Variants in IFT57 observed in about 807,000 individuals in gnomAD.
IFT57 encodes the protein intraflagellar transport protein 57 homolog.
Under a neutral mutation model 56.8 loss-of-function variants are expected in IFT57, and 59 were observed. The observed-to-expected ratio is 1.04, with a 90% confidence interval of 0.84 to 1.29. The LOEUF (loss-of-function observed/expected upper bound fraction) is 1.29. Among genes scored for constraint, IFT57 ranks in the 50% most tolerant of loss-of-function variants. IFT57 has a pLI of 0.00. For missense variants in IFT57, 470 were observed against 522.1 expected, an observed-to-expected ratio of 0.90 and a Z score of 0.97; for synonymous variants, 209 against 186.1, an observed-to-expected ratio of 1.12 and a Z score of -1.00.
intron 6 of IFT57, among the ~76,000 whole-genome samples, chr3:108,172,987 T>C (rs2080102786): frequency 6.6e-6 from 1 of 151,852 alleles, no homozygotes; most frequent in African/African-American, 2.4e-5. Context: ...ACATGCCTGA[T>C]ATAAAGTTAA....
intron 6 of IFT57, among the ~76,000 whole-genome samples, chr3:108,173,766 CTGTGTGTGTGTGTG>C (rs59233165): frequency 1.9e-4 from 24 of 124,688 alleles, no homozygotes; most frequent in African/African-American, 3.3e-4. Flanking sequence ...GTCAGGGACT[CTGTGTGTGTGTGTG>C]TGTGTGTGTG....
rs34812485 is a variant in IFT57 at position 108,175,802 on chromosome 3, T to TA, written c.778-7939dup. On this transcript the variant is annotated intron_variant, in intron 6 of 10. Coordinates refer to ENST00000264538, the MANE Select transcript of IFT57 (RefSeq NM_018010.4). ...AACTTGTAAAATACCAAACCTTCTT[T>TA]AAAAAAAAAAAAAGTTTGACTTTGC... Among the ~76,000 whole-genome samples the TA allele has an allele frequency of 8.1e-3, 1,195 of 146,784 alleles. 15 individuals are homozygous for TA. The highest frequency in any genetic ancestry group is 0.028 in the African/African-American group (1,101 of 39,594).
intron 3 of IFT57, 152 bp from the exon 4 acceptor site, chr3:108,214,173 A>G: frequency 1.9e-6 from 1 of 535,860 alleles, no homozygotes; most frequent in Admixed American, 3.4e-5. Flanking sequence ...ATTTTTCCTA[A>G]AACTTTCTAT....
chr3:108,193,762 C>G (rs760326384), intron 5 of IFT57, among the ~76,000 whole-genome samples: 1 of 151,956 alleles, frequency 6.6e-6, no homozygotes, highest in Non-Finnish European at 1.5e-5. Context: ...TGTGTCAAAA[C>G]CTAAAGCAAT....
At chr3:108,206,130 A>G (rs2080311824) in intron 5 of IFT57, among the ~76,000 whole-genome samples, 1 of 140,858 alleles carries the variant, frequency 7.1e-6, no homozygotes, top group African/African-American at 2.6e-5. Context: ...GTAAAAATAT[A>G]TATCTGAAAT....
At chr3:108,163,815 G>C in intron 9 of IFT57, 86 bp from the exon 10 acceptor site, 1 of 756,646 alleles carries the variant, frequency 1.3e-6, no homozygotes, top group Non-Finnish European at 2.3e-6. Context: ...ATGTAATTTA[G>C]ATATTAGCCA....
rs1195836378 is a variant in IFT57, at chr3:108,188,123, T to A, written c.777+3398A>T. On this transcript the variant is annotated intron_variant, in intron 6 of 10. Coordinates refer to ENST00000264538, the MANE Select transcript of IFT57 (RefSeq NM_018010.4). ...CCACAACAGGCCCCAGTGTGTGATG[T>A]TCCCCTTCCTGTGTCCAAGTGTCTA... Among the ~76,000 whole-genome samples the A allele has an allele frequency of 2.0e-5, 3 of 152,034 alleles. No individual in the cohort carries two copies. The East Asian group carries it at 5.8e-4, about 29-fold the overall frequency.
chr3:108,175,877 A>G (rs1408887674), intron 6 of IFT57, among the ~76,000 whole-genome samples: 1 of 151,714 alleles, frequency 6.6e-6, no homozygotes, highest in Non-Finnish European at 1.5e-5. Context: ...AAAGCCATGG[A>G]AGTCACCTTC....
intron 6 of IFT57, among the ~76,000 whole-genome samples, chr3:108,171,972 A>T (rs1293257426): frequency 2.8e-5 from 4 of 143,792 alleles, no homozygotes; most frequent in Non-Finnish European, 6.2e-5. Flanking sequence ...TACATATACA[A>T]ATATATAGTT....
intron 4 of IFT57, among the ~76,000 whole-genome samples, chr3:108,213,227 A>G (rs548035380): frequency 6.6e-6 from 1 of 152,316 alleles, no homozygotes; most frequent in East Asian, 1.9e-4. Context: ...ATATGTGGAT[A>G]TTCAACTGTG....
intron 4 of IFT57, among the ~76,000 whole-genome samples, chr3:108,208,724 T>C (rs1486456177): frequency 6.6e-6 from 1 of 152,180 alleles, no homozygotes; most frequent in Non-Finnish European, 1.5e-5. Context: ...AATGATTTGA[T>C]TGAACAGAAA....
intron 4 of IFT57, among the ~76,000 whole-genome samples, chr3:108,212,845 TA>T (rs1223077138): frequency 3.9e-5 from 6 of 152,124 alleles, no homozygotes; most frequent in Non-Finnish European, 7.3e-5. Context: ...TTAATTGGTT[TA>T]TGACAGCAAA....
At chr3:108,188,251 T>C (rs959011298) in intron 6 of IFT57, among the ~76,000 whole-genome samples, 8 of 152,200 alleles carry the variant, frequency 5.3e-5, no homozygotes, top group African/African-American at 1.9e-4. Flanking sequence ...AGAGCTCATA[T>C]GTAACCAGAT....
At chr3:108,196,390 T>C (rs1399387116) in intron 5 of IFT57, among the ~76,000 whole-genome samples, 1 of 152,140 alleles carries the variant, frequency 6.6e-6, no homozygotes, top group East Asian at 1.9e-4. Flanking sequence ...GTTCAAGTTG[T>C]GAATAACATA....
chr3:108,198,221 A>G (rs957549761), intron 5 of IFT57, among the ~76,000 whole-genome samples: 1 of 152,238 alleles, frequency 6.6e-6, no homozygotes, highest in African/African-American at 2.4e-5. Flanking sequence ...GCACATGTCT[A>G]TCAACCCTTT....
At chr3:108,196,222 T>C (rs2080243622) in intron 5 of IFT57, among the ~76,000 whole-genome samples, 1 of 152,170 alleles carries the variant, frequency 6.6e-6, no homozygotes, top group African/African-American at 2.4e-5. Flanking sequence ...TGCTGTTGAT[T>C]AAATCCCAAA....
intron 9 of IFT57, 46 bp from the exon 10 acceptor site, chr3:108,163,775 T>C: frequency 8.2e-7 from 1 of 1,218,350 alleles, no homozygotes; most frequent in Non-Finnish European, 1.2e-6. Flanking sequence ...TTAATAAACT[T>C]TCACAATTTT....
Position 108,218,527 on chromosome 3 carries a change from AT to A in IFT57, c.494+7del. 1 of 1,414,656 alleles carries A rather than the reference AT, an allele frequency of 7.1e-7. No individual in the cohort carries two copies. The highest frequency in any genetic ancestry group is 9.7e-7 in the Non-Finnish European group (1 of 1,032,116). The allele number at this position is 1,414,656 out of a possible 1,614,324, so 87.6% of individuals were successfully genotyped here. On this transcript the variant is annotated splice_region_variant and intron_variant, in intron 3 of 10. Coordinates refer to ENST00000264538, the MANE Select transcript of IFT57 (RefSeq NM_018010.4). ...AAAATTACTATCATCAGGGTGGGTA[AT>A]TTTTACCTTTTCCAGGTGAAACCAA...
At chr3:108,174,601 G>A (rs1036938854) in intron 6 of IFT57, among the ~76,000 whole-genome samples, 7 of 151,754 alleles carry the variant, frequency 4.6e-5, no homozygotes, top group African/African-American at 1.7e-4. Context: ...TTGCTGGCTG[G>A]TTGTGGGACG....
Sources: allele counts gnomAD v4.1 joint callset (sites outside exome capture counted in the v4.1 genomes callset), GRCh38; gene constraint gnomAD v4.1.1; transcripts MANE v1.5; gene names NCBI Gene and HGNC (gene_info 2026-07-23, HGNC 2026-07-21).